RNF14: variants seen among roughly 807,000 people sequenced by gnomAD.
RNF14 encodes ring finger protein 14.
Under a neutral mutation model 52.6 loss-of-function variants are expected in RNF14, and 26 were observed. That is an observed-to-expected ratio of 0.49 (90% CI 0.36 to 0.69). RNF14 has a LOEUF of 0.69. RNF14 is among the 30% of genes least tolerant of loss of function. The pLI is 0.00. For missense variants in RNF14, 404 were observed against 560.4 expected (o/e 0.72, Z 2.82); for synonymous variants, 194 against 202.0 (o/e 0.96, Z 0.34).
At chr5:141,966,007 G>A (rs192963615), upstream of RNF14, among the ~76,000 whole-genome samples, 429 of 150,682 alleles carry the variant, frequency 2.8e-3, 3 homozygotes, top group African/African-American at 0.01. Flanking sequence ...TGGCCCAGGC[G>A]CCGTGGCTCA....
the RNF14 span, among the ~76,000 whole-genome samples, chr5:141,951,936 A>G: frequency 6.6e-6 from 1 of 152,230 alleles, no homozygotes; most frequent in Non-Finnish European, 1.5e-5. Flanking sequence ...TGTTACTTTG[A>G]TGAAGATTAT....
chr5:141,988,828 A>C lies in RNF14; in HGVS notation c.*1038A>C, dbSNP rs1755442920. 1 of 152,352 alleles carries C rather than the reference A, an allele frequency of 6.6e-6. No individual in the cohort carries two copies. The highest frequency in any genetic ancestry group is 6.5e-5 in the Admixed American group (1 of 15,282). 9.4% of individuals were successfully genotyped at this position (152,352 alleles called of 1,614,324 possible). A position where few individuals can be genotyped will look rare whatever the true frequency, so the allele number is the denominator to read the frequency against. On this transcript the variant is annotated 3_prime_UTR_variant, in exon 9 of 9. Coordinates refer to ENST00000394520, the MANE Select transcript of RNF14 (RefSeq NM_004290.5). ...ATTATTTTTAAAGATCTTCTCTAAC[A>C]AGCTATGGGAATTTGGCTTCATACT...
chr5:141,960,032 T>C (rs1327727584), intron 1 of RNF14, among the ~76,000 whole-genome samples: 1 of 152,254 alleles, frequency 6.6e-6, no homozygotes, highest in Non-Finnish European at 1.5e-5. Context: ...GCCTTGCATT[T>C]GTCCCTTCAC....
chr5:141,956,681 A>G, upstream of RNF14: 1 of 1,614,254 alleles, frequency 6.2e-7, no homozygotes. Context: ...CTCAGCCAGC[A>G]GTGGACCAAA....
the RNF14 span, among the ~76,000 whole-genome samples, chr5:141,952,124 G>A: frequency 3.9e-5 from 6 of 152,298 alleles, no homozygotes; most frequent in African/African-American, 1.4e-4. Flanking sequence ...TGCTATGGGA[G>A]TAAGAAGGAG....
chr5:141,981,029 A>G (rs1047325044), intron 6 of RNF14, among the ~76,000 whole-genome samples: 3 of 152,192 alleles, frequency 2.0e-5, no homozygotes, highest in African/African-American at 7.2e-5. Context: ...GGAATCATAA[A>G]TCAGGCCCTT....
At chr5:141,951,475 G>A in the RNF14 span, 3 of 1,600,678 alleles carry the variant, frequency 1.9e-6, no homozygotes, top group Non-Finnish European at 1.7e-6. Context: ...ATGCCTGTGG[G>A]GGCTACGTGC....
upstream of RNF14, among the ~76,000 whole-genome samples, chr5:141,963,797 A>G (rs1205419323): frequency 2.0e-5 from 3 of 152,154 alleles, no homozygotes; most frequent in Admixed American, 6.5e-5. Flanking sequence ...TCCTTGCTTC[A>G]GAAAGGCTCT....
chr5:141,951,117 G>A, the RNF14 span, among the ~76,000 whole-genome samples: 2 of 152,106 alleles, frequency 1.3e-5, no homozygotes, highest in South Asian at 4.1e-4. Flanking sequence ...TCTTTAGTGG[G>A]GAGCCTTCAT....
upstream of RNF14, among the ~76,000 whole-genome samples, chr5:141,963,565 A>C (rs1753292063): frequency 6.6e-6 from 1 of 152,186 alleles, no homozygotes; most frequent in Admixed American, 6.5e-5. Flanking sequence ...GAACTGTTTT[A>C]CACGAAAGAA....
upstream of RNF14, chr5:141,957,513 T>G (rs1236783947): frequency 6.2e-7 from 1 of 1,614,192 alleles, no homozygotes; most frequent in East Asian, 2.2e-5. This position sits in a 1 kb window ranked among gnomAD's most constrained non-coding sequence, Gnocchi z 4.3. Flanking sequence ...CCAAATCCCC[T>G]GTGGCAAGCA....
upstream of RNF14, among the ~76,000 whole-genome samples, chr5:141,966,503 G>A (rs1753352873): frequency 6.6e-6 from 1 of 152,140 alleles, no homozygotes; most frequent in African/African-American, 2.4e-5. Context: ...AGGGTCCTGG[G>A]CATTTAAATG....
the RNF14 span, chr5:141,951,685 T>C: frequency 1.1e-6 from 1 of 885,100 alleles, no homozygotes; most frequent in South Asian, 1.4e-5. Flanking sequence ...TTTCTTTTTA[T>C]AGTCTTTCCT....
chr5:141,978,154 TTGTA>T (rs66768569), intron 4 of RNF14, 145 bp from the exon 5 acceptor site: 565,558 of 653,246 alleles, frequency 0.87, 245,741 homozygotes, highest in East Asian at 0.99. Context: ...TTGTACTGTT[TTGTA>T]TGTAGCACAG....
chr5:141,952,999 T>C, the RNF14 span: 1 of 152,214 alleles, frequency 6.6e-6, no homozygotes, highest in Admixed American at 6.5e-5. Context: ...CGGGGTCTTA[T>C]TGCCTGCCTC....
intron 4 of RNF14, 54 bp from the exon 5 acceptor site, chr5:141,978,249 G>T: frequency 6.8e-7 from 1 of 1,467,372 alleles, no homozygotes; most frequent in South Asian, 1.4e-5. Flanking sequence ...ACCAGGAGTT[G>T]GCAGCAGCAT....
chr5:141,971,308 C>CA (rs1753723380), intron 2 of RNF14, among the ~76,000 whole-genome samples: 1 of 152,174 alleles, frequency 6.6e-6, no homozygotes, highest in Non-Finnish European at 1.5e-5. Context: ...GTGGTGCAAA[C>CA]ACGGCTCACT....
chr5:141,962,159 G>A (rs1753279701), upstream of RNF14, among the ~76,000 whole-genome samples: 7 of 152,334 alleles, frequency 4.6e-5, no homozygotes, highest in South Asian at 1.4e-3. Flanking sequence ...TCTGCTCCTA[G>A]CAGGGCACTT....
At chr5:141,984,101 C>CT (rs201857998) in intron 7 of RNF14, among the ~76,000 whole-genome samples, 22,774 of 136,620 alleles carry the variant, frequency 0.17, 2,071 homozygotes, top group Non-Finnish European at 0.2. Context: ...TATGTAATCA[C>CT]TTTTTTTTTT....
Sources: allele counts gnomAD v4.1 joint callset (sites outside exome capture counted in the v4.1 genomes callset), GRCh38; gene constraint gnomAD v4.1.1; non-coding constraint Gnocchi (gnomAD v3.1); transcripts MANE v1.5; gene names NCBI Gene and HGNC (gene_info 2026-07-23, HGNC 2026-07-21).